The following CFAP54 variants were observed in gnomAD, a reference collection of about 807,000 sequenced individuals.
CFAP54 encodes cilia and flagella associated protein 54.
A neutral mutation model predicts 370.4 loss-of-function variants in CFAP54; 290 were observed. The ratio of observed to expected loss-of-function variants is 0.78; its 90% confidence interval spans 0.71 to 0.86. The LOEUF is 0.86. Ranked by LOEUF, CFAP54 falls within the 40% of genes least tolerant of loss-of-function variation. The pLI is 0.00. For synonymous variants in CFAP54, 1,206 were observed against 1,236.5 expected (o/e 0.98, Z 0.52); for missense variants, 3,399 against 3,528.7 (o/e 0.96, Z 0.93).
chr12:96,712,279 T>C (rs1427538090), intron 48 of CFAP54, among the ~76,000 whole-genome samples: 1 of 152,166 alleles, frequency 6.6e-6, no homozygotes, highest in African/African-American at 2.4e-5. Context: ...GAATAGCTAG[T>C]GTGTCATTAT....
At chr12:96,794,247 G>A (rs1456627761) in intron 63 of CFAP54, among the ~76,000 whole-genome samples, 1 of 152,070 alleles carries the variant, frequency 6.6e-6, no homozygotes, top group African/African-American at 2.4e-5. Context: ...GAATTTTCAT[G>A]GTGTTCTTTG....
intron 42 of CFAP54, among the ~76,000 whole-genome samples, chr12:96,686,697 T>C (rs1957334551): frequency 6.6e-6 from 1 of 152,152 alleles, no homozygotes; most frequent in Admixed American, 6.5e-5. Flanking sequence ...TCCACCACCA[T>C]GATCCTAACA....
chr12:96,755,391 C>A (rs1958242239), intron 56 of CFAP54, among the ~76,000 whole-genome samples: 1 of 152,030 alleles, frequency 6.6e-6, no homozygotes, highest in African/African-American at 2.4e-5. Context: ...ATTATAGTCA[C>A]CATGTTGTAC....
rs1200770619 is a variant in CFAP54 at position 96,594,466 on chromosome 12, C to T, written c.3516+20C>T. 5 of 1,439,632 alleles carry T rather than the reference C, an allele frequency of 3.5e-6. No individual in the cohort carries two copies. The highest frequency in any genetic ancestry group is 4.6e-6 in the Non-Finnish European group (5 of 1,084,296). The allele number at this position is 1,439,632 out of a possible 1,614,324, so 89.2% of individuals were successfully genotyped here. On this transcript the variant is annotated intron_variant, in intron 25 of 67. Transcript: ENST00000524981. ...GTACAGGTAAGGGTATTCCTCTCCC[C>T]AAGAGAAGGGAATCTTTATAAAGGC... is the stretch of plus-strand genomic sequence containing the variant.
intron 50 of CFAP54, among the ~76,000 whole-genome samples, chr12:96,739,049 A>G (rs141456231): frequency 6.6e-6 from 1 of 152,224 alleles, no homozygotes; most frequent in Non-Finnish European, 1.5e-5. Context: ...TAAGACCTCA[A>G]CATACCTTTT....
intron 33 of CFAP54, among the ~76,000 whole-genome samples, chr12:96,647,588 T>G (rs768246080): frequency 4.6e-5 from 7 of 151,402 alleles, no homozygotes; most frequent in Non-Finnish European, 1.0e-4. Context: ...TGAAATAAAT[T>G]ATCGTTTCAG....
intron 51 of CFAP54, among the ~76,000 whole-genome samples, chr12:96,740,433 A>G (rs887771578): frequency 1.3e-5 from 2 of 152,238 alleles, no homozygotes; most frequent in African/African-American, 4.8e-5. Flanking sequence ...TAGCATTGCC[A>G]GTCAGATACC....
In CFAP54 at chr12:96,685,132, A is replaced by G; in HGVS notation, c.5908A>G (p.Asn1970Asp). The G allele has an allele frequency of 6.2e-7, 1 of 1,614,154 alleles. No homozygotes were observed. The highest frequency in any genetic ancestry group is 8.5e-7 in the Non-Finnish European group (1 of 1,180,004). Residue 1970 changes from asparagine to aspartate, a missense_variant, in exon 42 of 68, where the codon AAC (asparagine) becomes GAC (aspartate). Transcript: ENST00000524981. ...EFGPSLTNVT[N>D]SHSPPGFKDY... Reference sequence around the variant, plus strand: ...TGGCCCCTCACTCACCAATGTCACCAACAGTCATTCACCTCCGGGTTTCAA... The same window carrying G: ...TGGCCCCTCACTCACCAATGTCACCGACAGTCATTCACCTCCGGGTTTCAA...
chr12:96,494,307 A>ATT (rs557686958), intron 1 of CFAP54, among the ~76,000 whole-genome samples: 1 of 146,028 alleles, frequency 6.8e-6, no homozygotes, highest in African/African-American at 2.5e-5. Context: ...CCCTTATGTA[A>ATT]TTTTTTTTTT....
In CFAP54 at chr12:96,829,046, A is replaced by T; in HGVS notation, c.9129A>T (p.Ala3043=). 2.0e-6 allele frequency: 3 copies of T among 1,521,560 alleles called. No homozygotes were observed. The highest frequency in any genetic ancestry group is 2.6e-6 in the Non-Finnish European group (3 of 1,135,170). 94.3% of individuals were successfully genotyped at this position (1,521,560 alleles called of 1,614,324 possible). ...DMIIQCCSEI[A]SLFLNDKEPT... is the part of the protein sequence containing the mutation. ...TTATTCAATGTTGCTCTGAAATAGC[A>T]TCTCTGTTTTTGAATGATAAAGAGC... Residue 3043 remains alanine (A), a synonymous_variant, in exon 66 of 68, where the codon GCA becomes GCT. Transcript: ENST00000524981.
chr12:96,608,392 A>G (rs1346920595), intron 26 of CFAP54, among the ~76,000 whole-genome samples: 1 of 151,690 alleles, frequency 6.6e-6, no homozygotes, highest in East Asian at 1.9e-4. Context: ...ATGTCTCTCT[A>G]TATACATGTT....
chr12:96,564,015 C>A (rs992048200), intron 17 of CFAP54, among the ~76,000 whole-genome samples: 2 of 152,168 alleles, frequency 1.3e-5, no homozygotes, highest in Non-Finnish European at 2.9e-5. Flanking sequence ...TCAGCCACAG[C>A]TGGAAGATAG....
chr12:96,538,397 A>G lies in CFAP54; in HGVS notation c.1805A>G (p.Asp602Gly), dbSNP rs923751805. 2 of 1,534,890 alleles carry G rather than the reference A, an allele frequency of 1.3e-6. No individual in the cohort carries two copies. Among genetic ancestry groups the G allele is most frequent in the African/African-American group, 2.7e-5 (2 of 73,128 alleles). The change falls in exon 13 of 68, where the codon GAT becomes GGT. Residue 602 changes from aspartate to glycine, a missense_variant. Transcript: ENST00000524981. ...TTTTGTTTTTAGGATGTTCAACCTG[A>G]TAAAGAAATTGTTGTGGACACGATA... Reference protein sequence around the residue: ...VCTAPQDVQPDKEIVVDTIMF... With the variant: ...VCTAPQDVQPGKEIVVDTIMF...
At chr12:96,555,606 A>G (rs1955743765) in intron 17 of CFAP54, among the ~76,000 whole-genome samples, 2 of 149,460 alleles carry the variant, frequency 1.3e-5, no homozygotes, top group Non-Finnish European at 3.0e-5. Flanking sequence ...TTATATTTCT[A>G]TACAACAGCA....
chr12:96,833,695 GT>G (rs1305851461), intron 66 of CFAP54, among the ~76,000 whole-genome samples: 5 of 151,956 alleles, frequency 3.3e-5, no homozygotes, highest in Non-Finnish European at 7.4e-5. Context: ...GGCTGCTTGG[GT>G]TTGGTAGGAT....
intron 6 of CFAP54, 97 bp from the exon 7 acceptor site, chr12:96,521,760 G>A (rs1955323250): frequency 3.3e-6 from 3 of 904,808 alleles, no homozygotes; most frequent in Non-Finnish European, 4.9e-6. Flanking sequence ...TTAATTCACA[G>A]ATTAAATCAA....
At chr12:96,496,126 A>G (rs148561841) in intron 1 of CFAP54, among the ~76,000 whole-genome samples, 2 of 152,336 alleles carry the variant, frequency 1.3e-5, no homozygotes, top group Non-Finnish European at 2.9e-5. Flanking sequence ...TGGTATATGC[A>G]TATATTTTTC....
chr12:96,740,216 T>C (rs760536576), intron 51 of CFAP54, among the ~76,000 whole-genome samples, 155 bp downstream of exon 51: 69 of 152,350 alleles, frequency 4.5e-4, no homozygotes, highest in Non-Finnish European at 8.4e-4. Context: ...TAATGCTATT[T>C]ATTTATTGGT....
chr12:96,837,619 T>G (rs1229542004), intron 66 of CFAP54, among the ~76,000 whole-genome samples: 1 of 152,190 alleles, frequency 6.6e-6, no homozygotes, highest in African/African-American at 2.4e-5. Flanking sequence ...CCCCAACAAA[T>G]GTTCAAAAAA....
Sources: gnomAD v4.1 joint callset for allele counts (sites outside exome capture counted in the v4.1 genomes callset) on GRCh38, gnomAD v4.1.1 for gene constraint, MANE v1.5 for transcripts, NCBI Gene and HGNC (gene_info 2026-07-23, HGNC 2026-07-21) for gene names.